Variants in ERCC6 observed in about 807,000 individuals in gnomAD.
The protein encoded by ERCC6 is DNA excision repair protein ERCC-6.
Under a neutral mutation model 158.7 loss-of-function variants are expected in ERCC6, and 116 were observed. That is an observed-to-expected ratio of 0.73 (90% CI 0.63 to 0.85). The LOEUF is 0.85. Ranked by LOEUF, ERCC6 falls within the 40% of genes least tolerant of loss-of-function variation. ERCC6 has a pLI of 0.00. For synonymous variants in ERCC6, 678 were observed against 659.3 expected, an observed-to-expected ratio of 1.03 and a Z score of -0.43; for missense variants, 1,698 against 1,799.4, an observed-to-expected ratio of 0.94 and a Z score of 1.02.
At chr10:49,499,414 C>G (rs1851319117) in intron 7 of ERCC6, among the ~76,000 whole-genome samples, 1 of 152,196 alleles carries the variant, frequency 6.6e-6, no homozygotes, top group Non-Finnish European at 1.5e-5. Context: ...GTTTATGGTT[C>G]ATATTTGGCT....
chr10:49,516,607 C>G (rs192031942), intron 5 of ERCC6: 171 of 1,614,130 alleles, frequency 1.1e-4, no homozygotes, highest in Non-Finnish European at 1.4e-4. Context: ...AGATGTACAC[C>G]TTTACTGCAA....
At chr10:49,512,895 A>AT (rs1836847080) in intron 5 of ERCC6, among the ~76,000 whole-genome samples, 1 of 152,192 alleles carries the variant, frequency 6.6e-6, no homozygotes, top group Non-Finnish European at 1.5e-5. Context: ...CAGATTTTGG[A>AT]TTTTCGGACT....
chr10:49,507,081 T>C (rs1390930892), intron 5 of ERCC6, among the ~76,000 whole-genome samples: 2 of 152,148 alleles, frequency 1.3e-5, no homozygotes, highest in Non-Finnish European at 2.9e-5. Context: ...AGGGTAATAC[T>C]ACACATGCTG....
the ERCC6 span, among the ~76,000 whole-genome samples, chr10:49,447,744 C>T: frequency 1.3e-5 from 2 of 151,764 alleles, no homozygotes; most frequent in African/African-American, 2.4e-5. Flanking sequence ...CCATCCCCCT[C>T]CCCACCCCAG....
intron 5 of ERCC6, 113 bp from the exon 6 acceptor site, chr10:49,506,125 G>A (rs1192598776): frequency 3.3e-6 from 4 of 1,207,688 alleles, no homozygotes; most frequent in Non-Finnish European, 4.8e-6. Flanking sequence ...GGTCTCTTAG[G>A]TTAATGCTGC....
chr10:49,516,133 C>G, intron 5 of ERCC6: 1 of 1,614,032 alleles, frequency 6.2e-7, no homozygotes, highest in Non-Finnish European at 8.5e-7. Context: ...AGTGACGCAC[C>G]GACACCATAT....
chr10:49,513,856 C>CTCT (rs1554791389), intron 5 of ERCC6, among the ~76,000 whole-genome samples: 1 of 144,054 alleles, frequency 6.9e-6, no homozygotes, highest in Non-Finnish European at 1.5e-5. Context: ...CTCTCTCTCT[C>CTCT]TTTTTTTTTT....
At chr10:49,523,935 A>G in intron 5 of ERCC6, 98 bp downstream of exon 5, 1 of 1,544,400 alleles carries the variant, frequency 6.5e-7, no homozygotes, top group Admixed American at 1.7e-5. Flanking sequence ...GGGGGGGTCT[A>G]ATATATTAAG....
rs1850520073 is a variant in ERCC6 at position 49,458,535 on chromosome 10, C to T, written c.*280G>A. ...TTTTGGGTAAAGGAACAAATGTGCT[C>T]CAAGGAGTAACTGTTAGGTACCTGA... On this transcript the variant is annotated 3_prime_UTR_variant, in exon 21 of 21. Transcript: ENST00000355832. 2.5e-6 allele frequency: 1 copy of T among 404,536 alleles called. No homozygotes were observed. 25.1% of individuals were successfully genotyped at this position (404,536 alleles called of 1,614,324 possible).
At chr10:49,516,295 C>A (rs920599736) in intron 5 of ERCC6, 3 of 1,614,054 alleles carry the variant, frequency 1.9e-6, no homozygotes, top group Admixed American at 1.7e-5. Context: ...AAATAAGGAA[C>A]CATGAATTCA....
At chr10:49,514,460 T>C (rs1836890695) in intron 5 of ERCC6, among the ~76,000 whole-genome samples, 1 of 152,160 alleles carries the variant, frequency 6.6e-6, no homozygotes, top group South Asian at 2.1e-4. Context: ...ATTAATAAAA[T>C]AAACATGCCC....
chr10:49,466,411 G>A (rs1053825275), intron 18 of ERCC6, among the ~76,000 whole-genome samples: 5 of 152,120 alleles, frequency 3.3e-5, no homozygotes, highest in Admixed American at 3.3e-4. Flanking sequence ...ACATGGAAAG[G>A]GCCCTAGGGT....
At chr10:49,443,386 G>A in the ERCC6 span, among the ~76,000 whole-genome samples, 5 of 152,174 alleles carry the variant, frequency 3.3e-5, no homozygotes, top group Admixed American at 3.3e-4. Context: ...ACATAATGAT[G>A]TTTCAGTCAA....
the ERCC6 span, among the ~76,000 whole-genome samples, chr10:49,439,032 C>A: frequency 6.6e-6 from 1 of 152,278 alleles, no homozygotes; most frequent in South Asian, 2.1e-4. Context: ...CCATTGTCTG[C>A]GGCTTTTCCA....
intron 6 of ERCC6, chr10:49,504,585 G>T (rs1040977815): frequency 6.6e-6 from 1 of 152,052 alleles, no homozygotes; most frequent in South Asian, 2.1e-4. Flanking sequence ...TATAATTTGG[G>T]TATTCCTTTT....
At chr10:49,538,720 G>A (rs1298283977) in intron 1 of ERCC6, among the ~76,000 whole-genome samples, 1 of 152,236 alleles carries the variant, frequency 6.6e-6, no homozygotes, top group African/African-American at 2.4e-5. Context: ...AGAAGTAGCT[G>A]GGTCGCTGGC....
rs148208319 is a variant in ERCC6, at chr10:49,474,079, T to G, written c.2546A>C (p.Lys849Thr). 6.2e-7 allele frequency: 1 copy of G among 1,614,136 alleles called. No individual in the cohort carries two copies. Among genetic ancestry groups the G allele is most frequent in the South Asian group, 1.1e-5 (1 of 91,082 alleles). The change falls in exon 13 of 21, where the codon AAA becomes ACA. Residue 849 changes from lysine (K) to threonine (T), a missense_variant. By Grantham distance (78) the Lys-to-Thr change is moderately conservative. Coordinates refer to ENST00000355832, the MANE Select transcript of ERCC6 (RefSeq NM_000124.4). ...GKMIVVESLL[K>T]IWHKQGQRVL... The stretch of plus-strand genomic sequence containing the variant: ...TCGCTGACCCTGCTTGTGCCATATT[T>G]TCAACAAAGACTCAACAACAATCAT...
chr10:49,478,899 C>A (rs1289284123), intron 10 of ERCC6, among the ~76,000 whole-genome samples: 1 of 152,100 alleles, frequency 6.6e-6, no homozygotes, highest in African/African-American at 2.4e-5. Flanking sequence ...AGGAACTCTG[C>A]AAAGCTGAAG....
At chr10:49,445,606 A>G in the ERCC6 span, among the ~76,000 whole-genome samples, 4 of 152,362 alleles carry the variant, frequency 2.6e-5, no homozygotes, top group East Asian at 1.9e-4. Flanking sequence ...GGTTTCAGCA[A>G]TGTAACAGAT....
Sources: allele counts gnomAD v4.1 joint callset (sites outside exome capture counted in the v4.1 genomes callset), GRCh38; gene constraint gnomAD v4.1.1; transcripts MANE v1.5; gene names NCBI Gene and HGNC (gene_info 2026-07-23, HGNC 2026-07-21).